Variants in HMCN1 observed in about 807,000 individuals in gnomAD.
HMCN1 encodes hemicentin-1.
HMCN1 carries 321 observed loss-of-function variants against 625.9 expected under a neutral mutation model. The observed-to-expected ratio is 0.51, with a 90% confidence interval of 0.47 to 0.56. The LOEUF (loss-of-function observed/expected upper bound fraction) is 0.56. HMCN1 is among the 20% of genes least tolerant of loss of function. HMCN1 has a pLI of 0.00. For synonymous variants in HMCN1, 2,425 were observed against 2,417.6 expected (o/e 1.00, Z -0.09); for missense variants, 6,588 against 6,887.3 (o/e 0.96, Z 1.54).
At chr1:185,987,178 A>G (rs1057420586) in intron 19 of HMCN1, among the ~76,000 whole-genome samples, 2 of 150,578 alleles carry the variant, frequency 1.3e-5, no homozygotes, top group Admixed American at 6.6e-5. Flanking sequence ...TATTTTTGTT[A>G]GGAAAGTCAG....
chr1:185,961,868 T>C (rs1650046520), intron 11 of HMCN1, among the ~76,000 whole-genome samples: 1 of 152,162 alleles, frequency 6.6e-6, no homozygotes, highest in African/African-American at 2.4e-5. Context: ...ATGACCAGTG[T>C]AGCAGGATCT....
chr1:186,019,474 A>G (rs1006939488), intron 34 of HMCN1, 67 bp from the exon 35 acceptor site: 5 of 1,145,200 alleles, frequency 4.4e-6, no homozygotes, highest in Non-Finnish European at 6.6e-6. Flanking sequence ...AGGTTCTTGC[A>G]TACATATTTT....
chr1:186,082,911 C>A lies in HMCN1; in HGVS notation c.8834C>A (p.Ala2945Asp). 2 of 1,596,380 alleles carry A rather than the reference C, an allele frequency of 1.3e-6. No individual in the cohort carries two copies. Among genetic ancestry groups the A allele is most frequent in the Non-Finnish European group, 8.5e-7 (1 of 1,170,246 alleles). ...GATATCGGCAGGTATGTGTGTGTTG[C>A]TGAGAACACAGCTGGGAGTGCCAAA... ...ITDIGRYVCV[A>D]ENTAGSAKKY... is the part of the protein sequence containing the mutation. Residue 2945 changes from alanine to aspartate, a missense_variant, in exon 57 of 107, where the codon GCT becomes GAT. Physicochemically the swap from Ala to Asp is moderately radical, Grantham distance 126. Transcript: ENST00000271588.
At chr1:185,941,468 G>A (rs1350198187) in intron 11 of HMCN1, among the ~76,000 whole-genome samples, 3 of 152,156 alleles carry the variant, frequency 2.0e-5, no homozygotes, top group Admixed American at 6.5e-5. Context: ...ATATTTGAAA[G>A]CTTAAAGATC....
rs1041471930 is a variant in HMCN1, at chr1:185,734,706, T to A, written c.-74T>A. The A allele has an allele frequency of 1.4e-6, 2 of 1,449,856 alleles. No individual in the cohort carries two copies. The highest frequency in any genetic ancestry group is 1.9e-6 in the Non-Finnish European group (2 of 1,035,150). 89.8% of individuals were successfully genotyped at this position (1,449,856 alleles called of 1,614,324 possible). On this transcript the variant is annotated 5_prime_UTR_variant, in exon 1 of 107. Transcript: ENST00000271588. Reference sequence around the variant, plus strand: ...GATGAGTTACTCTGAGAGGAAACCCTCTGCCTGTTGTTGAGGAGGACTGAG... The same window carrying A: ...GATGAGTTACTCTGAGAGGAAACCCACTGCCTGTTGTTGAGGAGGACTGAG...
At chr1:185,842,644 C>T (rs1257166740) in intron 1 of HMCN1, among the ~76,000 whole-genome samples, 1 of 151,388 alleles carries the variant, frequency 6.6e-6, no homozygotes, top group Non-Finnish European at 1.5e-5. Flanking sequence ...GCAGGAGGAT[C>T]ACTTGATCCT....
Position 185,828,240 on chromosome 1 carries a change from C to T in HMCN1, c.269-17786C>T, listed in dbSNP as rs191741474. 1.5e-3 allele frequency among the ~76,000 whole-genome samples: 225 copies of T among 151,954 alleles called. 2 individuals are homozygous for T. The highest frequency in any genetic ancestry group is 5.3e-3 in the African/African-American group (219 of 41,456). On this transcript the variant is annotated intron_variant, in intron 1 of 106. Coordinates refer to ENST00000271588, the MANE Select transcript of HMCN1 (RefSeq NM_031935.3). ...TGTACTGATAATAAAAGTAATAAGC[C>T]TTATAAAAATGGATAAAACAGGGAA...
intron 51 of HMCN1, 73 bp downstream of exon 51, chr1:186,069,849 A>G (rs188135549): frequency 1.2e-5 from 11 of 909,160 alleles, no homozygotes; most frequent in Non-Finnish European, 1.8e-5. Context: ...GTTTTTCATT[A>G]TGGGTTCATA....
chr1:186,069,766 G>A lies in HMCN1; in HGVS notation c.7983G>A (p.Val2661=), dbSNP rs1367162914. 2 of 1,607,988 alleles carry A rather than the reference G, an allele frequency of 1.2e-6. No homozygotes were observed. Among genetic ancestry groups the A allele is most frequent in the Non-Finnish European group, 1.7e-6 (2 of 1,175,006 alleles). Residue 2661 remains valine, a synonymous_variant, in exon 51 of 107, where the codon GTG becomes GTA. Transcript: ENST00000271588. ...EAGEMIKHYE[V]KVYIPPIINK... ...GAGAAATGATAAAGCACTATGAAGT[G>A]AAGGTGTACAGTAAGTTCTGAAAGA...
At chr1:186,114,177 A>T in intron 73 of HMCN1, 54 bp downstream of exon 73, 1 of 1,601,740 alleles carries the variant, frequency 6.2e-7, no homozygotes, top group South Asian at 1.1e-5. Context: ...ACAAATTCTT[A>T]ATTTTTTTTC....
Position 186,172,016 on chromosome 1 carries a change from G to C in HMCN1, c.15699G>C (p.Glu5233Asp). 2 of 1,613,440 alleles carry C rather than the reference G, an allele frequency of 1.2e-6. No homozygotes were observed. Among genetic ancestry groups the C allele is most frequent in the Non-Finnish European group, 1.7e-6 (2 of 1,179,488 alleles). The change falls in exon 102 of 107, where the codon GAG becomes GAC. Residue 5233 changes from glutamate (E) to aspartate (D), a missense_variant. Coordinates refer to ENST00000271588, the MANE Select transcript of HMCN1 (RefSeq NM_031935.3). ...LKGRKCMDVN[E>D]CRQNVCRPDQ... ...TGTTCTTTTATCAAGATGTGAACGA[G>C]TGTAGACAAAATGTATGCAGACCAG...
intron 97 of HMCN1, among the ~76,000 whole-genome samples, chr1:186,164,727 G>C (rs1244670935): frequency 6.6e-5 from 10 of 152,210 alleles, no homozygotes; most frequent in Non-Finnish European, 4.4e-5. Context: ...ATTATTTTAA[G>C]TTGCTTGAAA....
intron 22 of HMCN1, 94 bp from the exon 23 acceptor site, chr1:185,993,088 T>C: frequency 7.9e-7 from 1 of 1,260,586 alleles, no homozygotes; most frequent in Non-Finnish European, 1.2e-6. Flanking sequence ...AAAAAACTAC[T>C]TGCAGAGTAG....
intron 36 of HMCN1, among the ~76,000 whole-genome samples, chr1:186,024,553 C>A (rs1654934727): frequency 6.6e-6 from 1 of 152,140 alleles, no homozygotes; most frequent in African/African-American, 2.4e-5. Flanking sequence ...ATACAATCAT[C>A]TTAGGCGCTT....
At chr1:186,153,350 T>A (rs909148223) in intron 96 of HMCN1, among the ~76,000 whole-genome samples, 2 of 152,126 alleles carry the variant, frequency 1.3e-5, no homozygotes, top group African/African-American at 4.8e-5. Context: ...TACTGTACAA[T>A]TATTATACAA....
At chr1:186,167,515 G>A (rs1651954299) in intron 100 of HMCN1, among the ~76,000 whole-genome samples, 1 of 152,150 alleles carries the variant, frequency 6.6e-6, no homozygotes, top group Admixed American at 6.5e-5. Context: ...GTCTAGCTTA[G>A]ATTAAGCTTC....
At chr1:186,028,557 T>C (rs1038086216) in intron 36 of HMCN1, among the ~76,000 whole-genome samples, 1 of 152,172 alleles carries the variant, frequency 6.6e-6, no homozygotes, top group Non-Finnish European at 1.5e-5. Context: ...GGCAGGATTA[T>C]AATTATTTGG....
At chr1:185,936,070 G>A (rs1015096971) in intron 11 of HMCN1, among the ~76,000 whole-genome samples, 2 of 152,066 alleles carry the variant, frequency 1.3e-5, no homozygotes, top group African/African-American at 4.8e-5. Context: ...CTTGTTTAAA[G>A]GGGAATCAGT....
intron 1 of HMCN1, among the ~76,000 whole-genome samples, chr1:185,806,401 C>G (rs1456271455): frequency 1.3e-5 from 2 of 151,932 alleles, no homozygotes; most frequent in East Asian, 3.9e-4. Context: ...GCAACAAATG[C>G]TGGACTTGGT....
Sources: allele counts gnomAD v4.1 joint callset (sites outside exome capture counted in the v4.1 genomes callset), GRCh38; gene constraint gnomAD v4.1.1; transcripts MANE v1.5; gene names NCBI Gene and HGNC (gene_info 2026-07-23, HGNC 2026-07-21).